NLK: variants seen among roughly 807,000 people sequenced by gnomAD.
NLK encodes serine/threonine-protein kinase NLK.
Under a neutral mutation model 59.0 loss-of-function variants are expected in NLK, and 11 were observed. The ratio of observed to expected loss-of-function variants is 0.19; its 90% CI spans 0.12 to 0.31. The LOEUF (loss-of-function observed/expected upper bound fraction) is 0.31, where lower values mean the gene tolerates loss of function less well. NLK is among the 10% of genes least tolerant of loss of function. NLK has a pLI of 1.00. For missense variants in NLK, 410 were observed against 661.1 expected (o/e 0.62, Z 4.16); for synonymous variants, 235 against 235.9 (o/e 1.00, Z 0.03).
intron 8 of NLK, 174 bp from the exon 9 acceptor site, chr17:28,190,847 A>T (rs1023256419): frequency 1.2e-5 from 6 of 514,838 alleles, no homozygotes; most frequent in Non-Finnish European, 2.0e-5. Flanking sequence ...TAAATCATAC[A>T]CTCCCTCTGC....
intron 3 of NLK, among the ~76,000 whole-genome samples, chr17:28,145,129 A>G (rs954363453): frequency 1.3e-5 from 2 of 152,230 alleles, no homozygotes; most frequent in African/African-American, 4.8e-5. Context: ...AGGTGGCAAG[A>G]GAACCAGATG....
At chr17:28,203,702 A>T in the NLK span, among the ~76,000 whole-genome samples, 1 of 151,936 alleles carries the variant, frequency 6.6e-6, no homozygotes, top group African/African-American at 2.4e-5. Context: ...ACGCCTGGCT[A>T]ATTTTTGTAT....
chr17:28,067,232 A>G (rs1909858852), intron 1 of NLK, among the ~76,000 whole-genome samples: 1 of 152,226 alleles, frequency 6.6e-6, no homozygotes, highest in African/African-American at 2.4e-5. Flanking sequence ...AATGGTTTAC[A>G]CTGAAGTCTG....
chr17:28,191,276 G>A (rs1909297236), intron 9 of NLK, 57 bp downstream of exon 9: 1 of 1,386,782 alleles, frequency 7.2e-7, no homozygotes, highest in African/African-American at 1.4e-5. Context: ...TTTTCCATTA[G>A]GTGGCCATGA....
intron 7 of NLK, among the ~76,000 whole-genome samples, chr17:28,183,163 A>G (rs1567739868): frequency 6.6e-6 from 1 of 152,208 alleles, no homozygotes; most frequent in Non-Finnish European, 1.5e-5. Context: ...GCAACATAGC[A>G]AGACTCCATT....
chr17:28,043,192 G>A lies in NLK; in HGVS notation c.319G>A (p.Ala107Thr). 2 of 1,613,986 alleles carry A rather than the reference G, an allele frequency of 1.2e-6. No homozygotes were observed. Among genetic ancestry groups the A allele is most frequent in the Non-Finnish European group, 1.7e-6 (2 of 1,179,886 alleles). The change falls in exon 1 of 11, where the codon GCA becomes ACA. Residue 107 changes from alanine (A) to threonine (T), a missense_variant. Physicochemically the swap from Ala to Thr is moderately conservative, Grantham distance 58 (BLOSUM62 0). This residue lies in a region of NLK where 160 missense variants were observed against 171.0 expected (regional missense o/e 0.94). Coordinates refer to ENST00000407008, the MANE Select transcript of NLK (RefSeq NM_016231.5). ...PAPGQAPGPAAAAPAQVQAAA... is the reference protein window; with the variant it reads ...PAPGQAPGPATAAPAQVQAAA... Reference sequence around the variant, plus strand: ...ACCGGGGCAGGCTCCTGGACCAGCTGCAGCAGCCCCAGCTCAGGTACAGGC... The same window carrying A: ...ACCGGGGCAGGCTCCTGGACCAGCTACAGCAGCCCCAGCTCAGGTACAGGC...
chr17:28,194,553 C>A, intron 10 of NLK, 29 bp from the exon 11 acceptor site: 1 of 1,550,610 alleles, frequency 6.4e-7, no homozygotes, highest in Non-Finnish European at 8.8e-7. Context: ...GACATTACAA[C>A]TAATTTCTCC....
At chr17:28,099,567 A>ATTTTTTTTT (rs1162753833) in intron 1 of NLK, among the ~76,000 whole-genome samples, 1 of 131,044 alleles carries the variant, frequency 7.6e-6, no homozygotes, top group African/African-American at 3.2e-5. Flanking sequence ...TTTGTGTTTG[A>ATTTTTTTTT]CTTTTTTTTT....
chr17:28,055,337 C>T (rs1909404159), intron 1 of NLK, among the ~76,000 whole-genome samples: 1 of 151,970 alleles, frequency 6.6e-6, no homozygotes, highest in African/African-American at 2.4e-5. Flanking sequence ...ATGATTTGCC[C>T]ACCTCGGGCT....
At chr17:28,068,955 A>G (rs557576215) in intron 1 of NLK, among the ~76,000 whole-genome samples, 1 of 152,314 alleles carries the variant, frequency 6.6e-6, no homozygotes, top group South Asian at 2.1e-4. Flanking sequence ...CTGGAATTAC[A>G]GGTGTAAGCC....
intron 3 of NLK, among the ~76,000 whole-genome samples, chr17:28,152,114 C>A (rs187985260): frequency 1.3e-5 from 2 of 152,196 alleles, no homozygotes; most frequent in African/African-American, 4.8e-5. Flanking sequence ...GGGTGAGCAA[C>A]ACCCTGACCT....
chr17:28,105,873 C>G (rs1905061822), intron 1 of NLK, among the ~76,000 whole-genome samples: 1 of 152,204 alleles, frequency 6.6e-6, no homozygotes, highest in East Asian at 1.9e-4. Context: ...GGCTTCAGTG[C>G]CCAAAGCCAA....
At chr17:28,162,920 A>G (rs1440772380) in intron 4 of NLK, among the ~76,000 whole-genome samples, 1 of 148,818 alleles carries the variant, frequency 6.7e-6, no homozygotes, top group Non-Finnish European at 1.5e-5. Context: ...CCCTGTCTCA[A>G]AAAAAAAAAA....
chr17:28,120,931 A>C (rs748016234), intron 1 of NLK, among the ~76,000 whole-genome samples: 2 of 152,218 alleles, frequency 1.3e-5, no homozygotes, highest in Non-Finnish European at 2.9e-5. Context: ...TGAATGAGTA[A>C]TTGAATATCC....
chr17:28,193,175 G>A (rs1261797664), intron 10 of NLK, among the ~76,000 whole-genome samples: 2 of 152,210 alleles, frequency 1.3e-5, no homozygotes, highest in Non-Finnish European at 2.9e-5. Context: ...CATAAAAGAG[G>A]ATTCTGAAGG....
chr17:28,071,745 A>C (rs1484126024), intron 1 of NLK, among the ~76,000 whole-genome samples: 11 of 152,236 alleles, frequency 7.2e-5, no homozygotes, highest in Non-Finnish European at 1.6e-4. Flanking sequence ...TGAAGGCTTC[A>C]TCAGAAAGAA....
At chr17:28,112,024 C>G (rs1254500001) in intron 1 of NLK, among the ~76,000 whole-genome samples, 1 of 151,492 alleles carries the variant, frequency 6.6e-6, no homozygotes, top group Non-Finnish European at 1.5e-5. Flanking sequence ...TCCTCACATG[C>G]AGGAAGCCTC....
At chr17:28,185,339 G>T (rs1909074532) in intron 8 of NLK, 74 bp downstream of exon 8, 1 of 906,420 alleles carries the variant, frequency 1.1e-6, no homozygotes, top group South Asian at 1.6e-5. Context: ...TTGTGGTTTT[G>T]AATAGATTGG....
At chr17:28,062,904 A>T (rs1475519244) in intron 1 of NLK, among the ~76,000 whole-genome samples, 2 of 152,164 alleles carry the variant, frequency 1.3e-5, no homozygotes, top group African/African-American at 4.8e-5. Context: ...TTTATCAAAA[A>T]TTATTAAATT....
Sources: gnomAD v4.1 joint callset for allele counts (sites outside exome capture counted in the v4.1 genomes callset) on GRCh38, gnomAD v4.1.1 for gene constraint, gnomAD v4.1.1 regional missense constraint, MANE v1.5 for transcripts, NCBI Gene and HGNC (gene_info 2026-07-23, HGNC 2026-07-21) for gene names.